Variants in GANAB observed in about 807,000 individuals in gnomAD.
The protein encoded by GANAB is neutral alpha-glucosidase AB.
A neutral mutation model predicts 129.9 loss-of-function variants in GANAB; 35 were observed. The ratio of observed to expected loss-of-function variants is 0.27; its 90% CI spans 0.21 to 0.36. GANAB has a LOEUF of 0.36. Ranked by LOEUF, GANAB falls within the 10% of genes least tolerant of loss-of-function variation. The pLI, the probability that GANAB is intolerant of heterozygous loss-of-function variation, is 1.00. For synonymous variants in GANAB, 482 were observed against 451.8 expected, an observed-to-expected ratio of 1.07 and a Z score of -0.85; for missense variants, 939 against 1,221.0, an observed-to-expected ratio of 0.77 and a Z score of 3.44.
chr11:62,626,070 G>C lies in GANAB; in HGVS notation c.2720C>G (p.Thr907Arg), dbSNP rs1452617331. ...AGKPAAVVLQ[T>R]KGSPESRLSF... ...GGGCCAGATTGGTCACTCACCTTTT[G>C]TCTGGAGTACCACAGCTGCTGGCTT... The change falls in exon 23 of 24, where the codon ACA (threonine) becomes AGA (arginine). Residue 907 changes from threonine (T) to arginine (R), a missense_variant. By Grantham distance (71) the Thr-to-Arg change is moderately conservative (BLOSUM62 -1). Coordinates refer to ENST00000356638, the MANE Select transcript of GANAB (RefSeq NM_198334.3). 2 of 1,610,360 alleles carry C rather than the reference G, an allele frequency of 1.2e-6. No homozygotes were observed. The highest frequency in any genetic ancestry group is 1.7e-6 in the Non-Finnish European group (2 of 1,176,524).
chr11:62,639,203 T>C, intron 3 of GANAB, 93 bp from the exon 4 acceptor site: 2 of 1,453,078 alleles, frequency 1.4e-6, no homozygotes, highest in Non-Finnish European at 1.9e-6. Flanking sequence ...GTTTCTTCCT[T>C]TGAGCCCTTT....
rs753910059 is a variant in GANAB at position 62,626,904 on chromosome 11, G to T, written c.2353C>A (p.His785Asn). 6.1e-5 allele frequency: 99 copies of T among 1,612,292 alleles called. No individual in the cohort carries two copies. The highest frequency in any genetic ancestry group is 3.3e-4 in the Middle Eastern group (2 of 6,080). Residue 785 changes from histidine (H) to asparagine (N), a missense_variant, in exon 20 of 24, where the codon CAT (histidine) becomes AAT (asparagine). This residue lies in a region of GANAB where 230 missense variants were observed against 259.9 expected (regional missense o/e 0.89). Coordinates refer to ENST00000356638, the MANE Select transcript of GANAB (RefSeq NM_198334.3). ...AGGTACAGGGTCTGGGGACCATGAT[G>T]CTTCTGGTAGCTTTGAATGTCATAC... is the stretch of plus-strand genomic sequence containing the variant. ...VWYDIQSYQK[H>N]HGPQTLYLPV...
chr11:62,626,418 A>G lies in GANAB; in HGVS notation c.2541T>C (p.Asp847=). The change falls in exon 22 of 24, where the codon GAT becomes GAC. Residue 847 remains aspartate, a synonymous_variant. Transcript: ENST00000356638. ...QGTAQGELFL[D]DGHTFNYQTR... is the part of the protein sequence containing the mutation. ...TCTGATAGTTGAACGTGTGCCCATC[A>G]TCCAGAAAGAGCTCTCCTTGAGCTG... 6.2e-7 allele frequency: 1 copy of G among 1,613,186 alleles called. No homozygotes were observed.
chr11:62,631,863 T>C (rs1313248367), intron 9 of GANAB, among the ~76,000 whole-genome samples: 1 of 151,670 alleles, frequency 6.6e-6, no homozygotes, highest in Non-Finnish European at 1.5e-5. Flanking sequence ...GCGATCCTCT[T>C]GCCTCAGCCT....
chr11:62,645,124 C>CA (rs1054209127), intron 1 of GANAB, among the ~76,000 whole-genome samples: 3 of 152,060 alleles, frequency 2.0e-5, no homozygotes, highest in Non-Finnish European at 4.4e-5. Context: ...AATGCTACCA[C>CA]AAAACTCCAT....
intron 1 of GANAB, 48 bp from the exon 2 acceptor site, chr11:62,639,779 G>T (rs769026730): frequency 1.6e-6 from 2 of 1,258,744 alleles, no homozygotes; most frequent in Non-Finnish European, 2.3e-6. Context: ...GAGGTCAGAA[G>T]GGGCCCCCTT....
chr11:62,641,135 G>A (rs998681818), intron 1 of GANAB, among the ~76,000 whole-genome samples: 1 of 151,944 alleles, frequency 6.6e-6, no homozygotes, highest in African/African-American at 2.4e-5. Flanking sequence ...CTTGAGGTCA[G>A]GAGTTCAAGA....
Position 62,628,809 on chromosome 11 carries a change from G to T in GANAB, c.2140C>A (p.Leu714Ile), listed in dbSNP as rs902787598. The T allele has an allele frequency of 1.2e-6, 2 of 1,614,064 alleles. No homozygotes were observed. Among genetic ancestry groups the T allele is most frequent in the Admixed American group, 3.3e-5 (2 of 60,012 alleles). The change falls in exon 17 of 24, where the codon CTC (leucine) becomes ATC (isoleucine). Residue 714 changes from leucine (L) to isoleucine (I), a missense_variant. Leu to Ile is a conservative substitution (Grantham distance 5). Transcript: ENST00000356638. ...RYSLLPFWYT[L>I]LYQAHREGIP... ...CCTTCCCGATGGGCCTGATATAAGA[G>T]GGTGTACCAGAAGGGCAGCAAAGAA...
Position 62,625,693 on chromosome 11 carries a change from A to T in GANAB, c.*122T>A. 1 of 694,696 alleles carries T rather than the reference A, an allele frequency of 1.4e-6. No individual in the cohort carries two copies. The allele number at this position is 694,696 out of a possible 1,614,324, so 43.0% of individuals were successfully genotyped here. On this transcript the variant is annotated 3_prime_UTR_variant, in exon 24 of 24. Coordinates refer to ENST00000356638, the MANE Select transcript of GANAB (RefSeq NM_198334.3). The stretch of plus-strand genomic sequence containing the variant: ...TCTCATCCTGCCCAAATGTTGGCAG[A>T]ATCTGGGTCTTAGACTAGCATAAGT...
chr11:62,631,000 C>T (rs1220727170), intron 10 of GANAB, 30 bp downstream of exon 10: 8 of 1,583,808 alleles, frequency 5.1e-6, no homozygotes, highest in Admixed American at 3.4e-5. Context: ...AAGAAAAGAG[C>T]AGAAGAATGA....
At chr11:62,645,893 G>A (rs939790718) in intron 1 of GANAB, among the ~76,000 whole-genome samples, 1 of 152,196 alleles carries the variant, frequency 6.6e-6, no homozygotes, top group Non-Finnish European at 1.5e-5. Flanking sequence ...TTGTGGCACT[G>A]GTGATATGTT....
chr11:62,636,384 T>C (rs968122488), intron 4 of GANAB, among the ~76,000 whole-genome samples: 9 of 150,224 alleles, frequency 6.0e-5, no homozygotes, highest in African/African-American at 2.2e-4. Flanking sequence ...GTGGATCGCT[T>C]GAGCCCTGGT....
At chr11:62,630,945 C>G (rs971666715) in intron 10 of GANAB, 85 bp downstream of exon 10, 18 of 1,514,838 alleles carry the variant, frequency 1.2e-5, no homozygotes, top group African/African-American at 1.4e-5. Flanking sequence ...ACCTAGAAAA[C>G]AAGCTGGGGC....
At chr11:62,633,771 A>G in intron 5 of GANAB, 1 of 552,896 alleles carries the variant, frequency 1.8e-6, no homozygotes, top group Non-Finnish European at 3.2e-6. Context: ...CTCTGTCAAC[A>G]TCCCAGAAGA....
At position 62,625,303 on chromosome 11, in the gene GANAB, G is replaced by T. The variant is rs1201258231; in HGVS notation, c.*512C>A. On this transcript the variant is annotated 3_prime_UTR_variant, in exon 24 of 24. Transcript: ENST00000356638. ...CCATTCATCCTGTCCGGGGTAAGGG[G>T]TGGTCCCAGTGTATCGGTGGGGCAT... 2.2e-6 allele frequency: 1 copy of T among 456,156 alleles called. No individual in the cohort carries two copies. The highest frequency in any genetic ancestry group is 2.0e-5 in the African/African-American group (1 of 50,058). The allele number at this position is 456,156 out of a possible 1,614,324, so 28.3% of individuals were successfully genotyped here.
intron 1 of GANAB, among the ~76,000 whole-genome samples, chr11:62,642,204 G>C (rs948222195): frequency 2.0e-5 from 3 of 151,776 alleles, no homozygotes; most frequent in Non-Finnish European, 4.4e-5. Flanking sequence ...GCGTGACTCT[G>C]ACTCAAAAAA....
At chr11:62,629,711 G>A (rs1263050146) in intron 14 of GANAB, 27 bp from the exon 15 acceptor site, 1 of 1,605,382 alleles carries the variant, frequency 6.2e-7, no homozygotes, top group South Asian at 1.1e-5. Flanking sequence ...GAGACGGGTA[G>A]TGAGGAGCAA....
At chr11:62,643,811 G>A (rs1327745928) in intron 1 of GANAB, among the ~76,000 whole-genome samples, 5 of 152,132 alleles carry the variant, frequency 3.3e-5, no homozygotes, top group African/African-American at 1.2e-4. Context: ...GTGTGACTCT[G>A]TCTCAAAAAC....
intron 1 of GANAB, among the ~76,000 whole-genome samples, chr11:62,640,592 G>A (rs113281594): frequency 6.8e-6 from 1 of 147,356 alleles, no homozygotes; most frequent in African/African-American, 2.5e-5. Flanking sequence ...CCAGCACTTA[G>A]GGAGGCCAAG....
Sources: gnomAD v4.1 joint callset for allele counts (sites outside exome capture counted in the v4.1 genomes callset) on GRCh38, gnomAD v4.1.1 for gene constraint, gnomAD v4.1.1 regional missense constraint, MANE v1.5 for transcripts, NCBI Gene and HGNC (gene_info 2026-07-23, HGNC 2026-07-21) for gene names.